The following CBFA2T2 variants were observed in gnomAD, a reference collection of about 807,000 sequenced individuals.
The protein encoded by CBFA2T2 is protein CBFA2T2.
CBFA2T2 carries 11 observed loss-of-function variants against 62.2 expected under a neutral mutation model. The observed-to-expected ratio is 0.18, with a 90% CI of 0.11 to 0.29. The LOEUF (loss-of-function observed/expected upper bound fraction) is 0.29. Among genes scored for constraint, CBFA2T2 ranks in the 10% least tolerant of loss-of-function variants. CBFA2T2 has a pLI of 1.00. For missense variants in CBFA2T2, 592 were observed against 774.1 expected, an observed-to-expected ratio of 0.76 and a Z score of 2.79; for synonymous variants, 295 against 287.5, an observed-to-expected ratio of 1.03 and a Z score of -0.27.
At chr20:33,500,166 C>T (rs527430548) in intron 1 of CBFA2T2, among the ~76,000 whole-genome samples, 2 of 152,012 alleles carry the variant, frequency 1.3e-5, no homozygotes, top group South Asian at 4.2e-4. Context: ...CCATCTTGGC[C>T]AGGCTGGTCT....
rs1014728723 is a variant in CBFA2T2 at position 33,538,522 on chromosome 20, C to T, written c.34+48221C>T. Among the ~76,000 whole-genome samples, 8 of 152,264 alleles carry T rather than the reference C, an allele frequency of 5.3e-5. No individual in the cohort carries two copies. In the South Asian group the frequency reaches 8.3e-4, roughly 16 times the overall value. On this transcript the variant is annotated intron_variant, in intron 1 of 10. Coordinates refer to ENST00000342704, the MANE Select transcript of CBFA2T2 (RefSeq NM_001032999.3). ...GAGTAGCTGGGATTGCAGTTGCCTG[C>T]CACCAGGCCTGGCTAATTGTATTTT...
At chr20:33,585,989 T>C (rs2014351303) in intron 1 of CBFA2T2, among the ~76,000 whole-genome samples, 1 of 152,194 alleles carries the variant, frequency 6.6e-6, no homozygotes, top group Non-Finnish European at 1.5e-5. Flanking sequence ...ATAGTGATTA[T>C]TTCTCATGTT....
At chr20:33,643,861 A>G (rs60249808) in intron 10 of CBFA2T2, among the ~76,000 whole-genome samples, 2,774 of 97,854 alleles carry the variant, frequency 0.028, 141 homozygotes, top group African/African-American at 0.092. Flanking sequence ...GTGTGTGTGT[A>G]TATAATGTAT....
At chr20:33,510,639 G>C (rs1241988419) in intron 1 of CBFA2T2, among the ~76,000 whole-genome samples, 2 of 152,118 alleles carry the variant, frequency 1.3e-5, no homozygotes, top group Non-Finnish European at 2.9e-5. Flanking sequence ...ATGATCCTTT[G>C]GGTATATGCC....
chr20:33,625,433 G>C (rs2016186118), intron 6 of CBFA2T2, among the ~76,000 whole-genome samples: 1 of 152,152 alleles, frequency 6.6e-6, no homozygotes. Context: ...ACTACATTGA[G>C]CCATGATCTT....
intron 6 of CBFA2T2, among the ~76,000 whole-genome samples, chr20:33,625,993 T>G (rs1286243700): frequency 1.3e-5 from 2 of 152,092 alleles, no homozygotes; most frequent in Admixed American, 6.5e-5. Flanking sequence ...TCCCAGCTAC[T>G]CAGGAGGCTG....
intron 1 of CBFA2T2, among the ~76,000 whole-genome samples, chr20:33,528,615 C>T (rs773441446): frequency 1.3e-5 from 2 of 152,162 alleles, no homozygotes; most frequent in African/African-American, 2.4e-5. Flanking sequence ...GACTTACATG[C>T]CCTTTTAAGC....
intron 1 of CBFA2T2, among the ~76,000 whole-genome samples, chr20:33,542,048 T>C (rs1486005189): frequency 6.6e-6 from 1 of 152,144 alleles, no homozygotes; most frequent in Non-Finnish European, 1.5e-5. Context: ...CTAGCAGTTT[T>C]CTCAAACTTT....
chr20:33,508,558 C>T (rs927769996), intron 1 of CBFA2T2, among the ~76,000 whole-genome samples: 7 of 152,032 alleles, frequency 4.6e-5, no homozygotes, highest in African/African-American at 1.7e-4. Flanking sequence ...GTTATTTTTC[C>T]TGATCCTCTC....
At chr20:33,534,473 C>T (rs569537196) in intron 1 of CBFA2T2, among the ~76,000 whole-genome samples, 5 of 152,042 alleles carry the variant, frequency 3.3e-5, no homozygotes, top group East Asian at 1.9e-4. Flanking sequence ...CCACCACGCC[C>T]GGCTAATTTT....
intron 1 of CBFA2T2, among the ~76,000 whole-genome samples, chr20:33,571,419 T>C (rs2013560938): frequency 6.6e-6 from 1 of 152,244 alleles, no homozygotes; most frequent in Non-Finnish European, 1.5e-5. Flanking sequence ...ATGATTACTT[T>C]TAAAATTTTA....
rs1485799440 is a variant in CBFA2T2 at position 33,642,122 on chromosome 20, G to T, written c.1488+1591G>T. On this transcript the variant is annotated intron_variant, in intron 10 of 10. Transcript: ENST00000342704. Reference sequence around the variant, plus strand: ...TCCTTTGTCTTTTTTTTTTTTGTGTGTGTGTGTGTGTGTGTGTGTGTGTGT... The same window carrying T: ...TCCTTTGTCTTTTTTTTTTTTGTGTTTGTGTGTGTGTGTGTGTGTGTGTGT... Among the ~76,000 whole-genome samples the T allele has an allele frequency of 7.9e-3, 297 of 37,664 alleles. 1 individual carries two copies. Among genetic ancestry groups the T allele is most frequent in the Middle Eastern group, 0.029 (2 of 70 alleles). 24.7% of individuals were successfully genotyped at this position (37,664 alleles called of 152,430 possible).
In CBFA2T2 at chr20:33,583,415, A is replaced by G. The variant is rs76904223; in HGVS notation, c.35-23541A>G. On this transcript the variant is annotated intron_variant, in intron 1 of 10. Transcript: ENST00000342704. Reference sequence around the variant, plus strand: ...CTGGGTAGACTGAGTATATGACTTTATAGTTTAAAGTTCTTTGACTAATCG... The same window carrying G: ...CTGGGTAGACTGAGTATATGACTTTGTAGTTTAAAGTTCTTTGACTAATCG... Among the ~76,000 whole-genome samples the G allele has an allele frequency of 2.8e-3, 419 of 152,350 alleles. 1 individual carries two copies. Among genetic ancestry groups the G allele is most frequent in the African/African-American group, 9.5e-3 (397 of 41,584 alleles).
intron 1 of CBFA2T2, among the ~76,000 whole-genome samples, chr20:33,495,628 T>C (rs1026967865): frequency 2.6e-5 from 4 of 151,764 alleles, no homozygotes; most frequent in Non-Finnish European, 4.4e-5. Context: ...ACTGCGGAGG[T>C]TGCAGTGTGC....
In CBFA2T2 at chr20:33,490,289, G is replaced by A. The variant is rs1458431771; in HGVS notation, c.22G>A (p.Ala8Thr). The change falls in exon 1 of 11, where the codon GCC (alanine) becomes ACC (threonine). Residue 8 changes from alanine (A) to threonine (T), a missense_variant. By Grantham distance (58) the Ala-to-Thr change is moderately conservative. Around this residue, in one of 3 missense-constraint regions of CBFA2T2, gnomAD observed 449 missense variants for 551.2 expected, o/e 0.81. Coordinates refer to ENST00000342704, the MANE Select transcript of CBFA2T2 (RefSeq NM_001032999.3). MVGVPGA[A>T]AFQLGPEKRV... The stretch of plus-strand genomic sequence containing the variant: ...GGCGATGGTAGGCGTCCCTGGAGCG[G>A]CCGCCTTCCAGCGTAAGTGGGGCGT... 2 of 1,269,662 alleles carry A rather than the reference G, an allele frequency of 1.6e-6. No homozygotes were observed. Among genetic ancestry groups the A allele is most frequent in the Non-Finnish European group, 2.0e-6 (2 of 1,009,320 alleles). The allele number at this position is 1,269,662 out of a possible 1,614,324, so 78.6% of individuals were successfully genotyped here.
intron 2 of CBFA2T2, among the ~76,000 whole-genome samples, chr20:33,608,563 C>T (rs1001956347): frequency 1.3e-5 from 2 of 152,144 alleles, no homozygotes; most frequent in Non-Finnish European, 2.9e-5. Flanking sequence ...TGTGATATCC[C>T]TTTTCTTAAA....
chr20:33,499,991 T>C (rs1305568431), intron 1 of CBFA2T2, among the ~76,000 whole-genome samples: 1 of 151,948 alleles, frequency 6.6e-6, no homozygotes, highest in Non-Finnish European at 1.5e-5. Context: ...TTAAAGACAG[T>C]CTCTGTCGCT....
chr20:33,613,425 G>C (rs1226676121), intron 3 of CBFA2T2, among the ~76,000 whole-genome samples: 1 of 152,230 alleles, frequency 6.6e-6, no homozygotes. Context: ...GAGAGACACA[G>C]TCTGGAGGAA....
chr20:33,602,526 G>A (rs1347522635), intron 1 of CBFA2T2, among the ~76,000 whole-genome samples: 1 of 151,232 alleles, frequency 6.6e-6, no homozygotes, highest in African/African-American at 2.4e-5. Flanking sequence ...TTCTTCTCAA[G>A]TAGCACATTT....
Sources: gnomAD v4.1 joint callset for allele counts (sites outside exome capture counted in the v4.1 genomes callset) on GRCh38, gnomAD v4.1.1 for gene constraint, gnomAD v4.1.1 regional missense constraint, MANE v1.5 for transcripts, NCBI Gene and HGNC (gene_info 2026-07-23, HGNC 2026-07-21) for gene names.